Variants in GIPC2 observed in about 807,000 individuals in gnomAD.
The protein encoded by GIPC2 is PDZ domain-containing protein GIPC2.
GIPC2 carries 30 observed loss-of-function variants against 30.6 expected under a neutral mutation model. The ratio of observed to expected loss-of-function variants is 0.98; its 90% confidence interval spans 0.73 to 1.33. GIPC2 has a LOEUF of 1.33. Ranked by LOEUF, GIPC2 falls within the 40% of genes most tolerant of loss-of-function variation. The pLI is 0.00. For synonymous variants in GIPC2, 167 were observed against 150.0 expected, an observed-to-expected ratio of 1.11 and a Z score of -0.83; for missense variants, 414 against 390.3, an observed-to-expected ratio of 1.06 and a Z score of -0.51.
At chr1:78,131,863 T>A (rs886722666) in intron 5 of GIPC2, among the ~76,000 whole-genome samples, 2 of 152,260 alleles carry the variant, frequency 1.3e-5, no homozygotes, top group African/African-American at 4.8e-5. Context: ...TACTGGTTTT[T>A]AAAAGATGTA....
intron 3 of GIPC2, among the ~76,000 whole-genome samples, chr1:78,098,363 A>G (rs1035039922): frequency 7.2e-5 from 11 of 152,218 alleles, no homozygotes; most frequent in Non-Finnish European, 1.3e-4. Context: ...AATTTTGACT[A>G]TACTTACCAA....
intron 2 of GIPC2, among the ~76,000 whole-genome samples, chr1:78,092,292 T>A (rs1292507772): frequency 6.6e-6 from 1 of 152,180 alleles, no homozygotes; most frequent in Admixed American, 6.5e-5. Flanking sequence ...ATATATGGGA[T>A]GAACATAATG....
intron 1 of GIPC2, among the ~76,000 whole-genome samples, chr1:78,048,387 T>C (rs1349728421): frequency 6.6e-6 from 1 of 152,144 alleles, no homozygotes; most frequent in African/African-American, 2.4e-5. Flanking sequence ...GAGCCTGGAT[T>C]TGAATTCAGT....
In GIPC2 at chr1:78,085,798, A is replaced by G. The variant is rs959225449; in HGVS notation, c.426+4938A>G. ...ATCATTTCTAATTGTGTTTATTTAG[A>G]TCTTCTCTCTTTTCTTCTTTATTAG... On this transcript the variant is annotated intron_variant, in intron 2 of 5. Transcript: ENST00000370759. Among the ~76,000 whole-genome samples the G allele has an allele frequency of 4.7e-5, 7 of 150,504 alleles. No individual in the cohort carries two copies. The East Asian group carries it at 1.4e-3, about 29-fold the overall frequency.
rs910559185 is a variant in GIPC2, at chr1:78,113,631, C to T, written c.608-5762C>T. Among the ~76,000 whole-genome samples the T allele has an allele frequency of 1.1e-4, 16 of 152,118 alleles. 1 individual carries two copies. Among genetic ancestry groups the T allele is most frequent in the Admixed American group, 7.9e-4 (12 of 15,276 alleles). On this transcript the variant is annotated intron_variant, in intron 3 of 5. Transcript: ENST00000370759. ...CTCGAATTCCTGGGCTCAAGTGATC[C>T]GCCACCCTTGGCCTCTCAAAACGCT...
intron 2 of GIPC2, chr1:78,092,058 C>T: frequency 6.6e-7 from 1 of 1,525,030 alleles, no homozygotes; most frequent in Non-Finnish European, 9.1e-7. Flanking sequence ...TCCAAGTAGA[C>T]CATGTCAGCT....
chr1:78,056,783 T>C (rs892465243), intron 1 of GIPC2, among the ~76,000 whole-genome samples: 12 of 152,230 alleles, frequency 7.9e-5, no homozygotes, highest in Non-Finnish European at 1.6e-4. Context: ...ACAACCATCC[T>C]GACTTTCATG....
intron 2 of GIPC2, among the ~76,000 whole-genome samples, chr1:78,090,922 T>C (rs1489638902): frequency 6.6e-6 from 1 of 152,004 alleles, no homozygotes; most frequent in African/African-American, 2.4e-5. Context: ...GAGGTGTTGA[T>C]GAGAAACAGC....
At chr1:78,101,207 G>A (rs1259397083) in intron 3 of GIPC2, among the ~76,000 whole-genome samples, 4 of 152,102 alleles carry the variant, frequency 2.6e-5, no homozygotes, top group Non-Finnish European at 5.9e-5. Context: ...GGCCTTCTGG[G>A]TAGCCTTTAT....
At position 78,046,258 on chromosome 1, in the gene GIPC2, G is replaced by A. The variant is rs376997722; in HGVS notation, c.164G>A (p.Gly55Asp). The change falls in exon 1 of 6, where the codon GGC becomes GAC. Residue 55 changes from glycine (G) to aspartate (D), a missense_variant. Coordinates refer to ENST00000370759, the MANE Select transcript of GIPC2 (RefSeq NM_017655.6). ...HAQLAHGSAT[G>D]RVEGFSSIQE... is the part of the protein sequence containing the mutation. ...CAGCTGGCGCACGGTAGTGCCACGGGCCGAGTGGAGGGCTTCTCCAGCATC... is the reference window on the plus strand; with the variant it reads ...CAGCTGGCGCACGGTAGTGCCACGGACCGAGTGGAGGGCTTCTCCAGCATC... The A allele has an allele frequency of 6.2e-6, 10 of 1,611,028 alleles. No individual in the cohort carries two copies. Among genetic ancestry groups the A allele is most frequent in the Admixed American group, 3.3e-5 (2 of 59,894 alleles).
At chr1:78,093,506 T>C (rs1662080911) in intron 2 of GIPC2, among the ~76,000 whole-genome samples, 1 of 152,236 alleles carries the variant, frequency 6.6e-6, no homozygotes, top group African/African-American at 2.4e-5. Flanking sequence ...TCTTAAAATT[T>C]GGGATAAAAG....
intron 5 of GIPC2, among the ~76,000 whole-genome samples, chr1:78,129,626 G>A (rs1662852661): frequency 6.6e-6 from 1 of 152,156 alleles, no homozygotes; most frequent in Non-Finnish European, 1.5e-5. Flanking sequence ...GTAAAGTTAA[G>A]TTGTGAACGA....
At chr1:78,110,504 C>T (rs1662447458) in intron 3 of GIPC2, among the ~76,000 whole-genome samples, 1 of 152,194 alleles carries the variant, frequency 6.6e-6, no homozygotes, top group Non-Finnish European at 1.5e-5. Context: ...AGAGAATTGT[C>T]CTTAATGCCA....
Position 78,046,208 on chromosome 1 carries a change from CGCACGCAGGCTG to C in GIPC2, c.116_127del (p.Ala39_Leu42del), listed in dbSNP as rs1661077685. On this transcript the variant is annotated inframe_deletion, in exon 1 of 6. Coordinates refer to ENST00000370759, the MANE Select transcript of GIPC2 (RefSeq NM_017655.6). ...GGAGCCTCTCAGCGTCCCGGGCTCCCGCACGCAGGCTGGTCTTCCACGCGCAGCTGGCGCACG... is the reference window on the plus strand; with the variant it reads ...GGAGCCTCTCAGCGTCCCGGGCTCCCGTCTTCCACGCGCAGCTGGCGCACG... 4 of 1,593,220 alleles carry C rather than the reference CGCACGCAGGCTG, an allele frequency of 2.5e-6. No individual in the cohort carries two copies. The highest frequency in any genetic ancestry group is 3.4e-6 in the Non-Finnish European group (4 of 1,171,598).
intron 1 of GIPC2, among the ~76,000 whole-genome samples, chr1:78,054,406 T>C (rs1394119734): frequency 1.3e-5 from 2 of 152,368 alleles, no homozygotes; most frequent in African/African-American, 2.4e-5. Context: ...AGGATATAGA[T>C]AGTAGTAAGA....
rs35608832 is a variant in GIPC2 at position 78,113,863 on chromosome 1, AT to A, written c.608-5515del. 8.7e-3 allele frequency among the ~76,000 whole-genome samples: 1,199 copies of A among 137,092 alleles called. 3 individuals are homozygous for A. Among genetic ancestry groups the A allele is most frequent in the Non-Finnish European group, 9.3e-3 (584 of 63,104 alleles). 89.9% of individuals were successfully genotyped at this position (137,092 alleles called of 152,430 possible). A position where few individuals can be genotyped will look rare whatever the true frequency, so the allele number is the denominator to read the frequency against. On this transcript the variant is annotated intron_variant, in intron 3 of 5. Coordinates refer to ENST00000370759, the MANE Select transcript of GIPC2 (RefSeq NM_017655.6). ...TCCTAGAGTCATCTTGCCCATACCT[AT>A]TTTTTTTTTTTTTTGCAACTCATTC...
At chr1:78,088,490 G>A (rs1661976083) in intron 2 of GIPC2, among the ~76,000 whole-genome samples, 1 of 152,178 alleles carries the variant, frequency 6.6e-6, no homozygotes, top group South Asian at 2.1e-4. Context: ...GCAAACTAAT[G>A]CAGGAAGGAA....
intron 1 of GIPC2, among the ~76,000 whole-genome samples, chr1:78,055,107 A>G (rs900936912): frequency 6.6e-6 from 1 of 152,188 alleles, no homozygotes; most frequent in Non-Finnish European, 1.5e-5. Context: ...TCCTAGATTG[A>G]TGTGCCGGCC....
intron 1 of GIPC2, among the ~76,000 whole-genome samples, chr1:78,077,361 A>T (rs1320734071): frequency 6.6e-6 from 1 of 152,248 alleles, no homozygotes; most frequent in African/African-American, 2.4e-5. Context: ...TGTGACTATT[A>T]GAAAATTTAA....
Sources: gnomAD v4.1 joint callset for allele counts (sites outside exome capture counted in the v4.1 genomes callset) on GRCh38, gnomAD v4.1.1 for gene constraint, MANE v1.5 for transcripts, NCBI Gene and HGNC (gene_info 2026-07-23, HGNC 2026-07-21) for gene names.